PDE11A: variants seen among roughly 807,000 people sequenced by gnomAD.
PDE11A encodes the protein phosphodiesterase 11A.
In PDE11A, 100 loss-of-function variants were observed where a neutral mutation model predicts 100.5. That is an observed-to-expected ratio of 1.00 (90% CI 0.85 to 1.18). The LOEUF is 1.18. Ranked by LOEUF, PDE11A falls within the 50% of genes most tolerant of loss-of-function variation. PDE11A has a pLI of 0.00. For missense variants in PDE11A, 1,141 were observed against 1,152.6 expected, an observed-to-expected ratio of 0.99 and a Z score of 0.15; for synonymous variants, 381 against 420.8, an observed-to-expected ratio of 0.91 and a Z score of 1.16.
chr2:177,985,412 C>T (rs753223896), intron 2 of PDE11A, among the ~76,000 whole-genome samples: 2 of 152,056 alleles, frequency 1.3e-5, no homozygotes, highest in South Asian at 2.1e-4. Flanking sequence ...TTAATCTGTG[C>T]GTTGCTGTGA....
At position 177,788,763 on chromosome 2, in the gene PDE11A, C is replaced by T. The variant is rs1574143218; in HGVS notation, c.1738-19390G>A. 2.0e-5 allele frequency among the ~76,000 whole-genome samples: 3 copies of T among 152,298 alleles called. No homozygotes were observed. The South Asian group carries it at 6.2e-4, about 32-fold the overall frequency. On this transcript the variant is annotated intron_variant, in intron 9 of 19. Transcript: ENST00000286063. ...CCATCAGAGAATACTACAAACAACT[C>T]TACTCAAATAAACTAGAAAATCTAG... is the stretch of plus-strand genomic sequence containing the variant.
At chr2:178,009,970 C>A (rs892656205) in intron 2 of PDE11A, among the ~76,000 whole-genome samples, 9 of 152,136 alleles carry the variant, frequency 5.9e-5, no homozygotes, top group Admixed American at 5.9e-4. Context: ...GATGACATGG[C>A]AGTTATGTGT....
At chr2:178,083,344 C>A (rs943489096) in intron 2 of PDE11A, among the ~76,000 whole-genome samples, 7 of 152,156 alleles carry the variant, frequency 4.6e-5, no homozygotes, top group Admixed American at 2.0e-4. Flanking sequence ...AGTGATCCAC[C>A]CACCTCAGCC....
chr2:177,759,478 C>T (rs1558924396), intron 10 of PDE11A, among the ~76,000 whole-genome samples: 1 of 152,196 alleles, frequency 6.6e-6, no homozygotes, highest in Non-Finnish European at 1.5e-5. Context: ...CTGACAAGTG[C>T]TTTATCATGA....
intron 18 of PDE11A, among the ~76,000 whole-genome samples, chr2:177,665,105 A>G (rs1227146271): frequency 6.6e-6 from 1 of 152,182 alleles, no homozygotes; most frequent in Non-Finnish European, 1.5e-5. Flanking sequence ...AGAAGACTGG[A>G]ATTTGGAGAA....
chr2:177,811,554 A>G (rs1443778653), intron 9 of PDE11A, among the ~76,000 whole-genome samples: 1 of 71,716 alleles, frequency 1.4e-5, no homozygotes, highest in Non-Finnish European at 2.7e-5. Flanking sequence ...ACAGTAGAAA[A>G]TGTTTTGTAT....
intron 2 of PDE11A, chr2:177,998,085 G>A: frequency 1.5e-6 from 2 of 1,304,722 alleles, no homozygotes; most frequent in South Asian, 1.2e-5. Flanking sequence ...CAGGATCTGA[G>A]GGATTGAAGG....
intron 9 of PDE11A, among the ~76,000 whole-genome samples, chr2:177,792,958 A>C (rs1438043585): frequency 6.6e-6 from 1 of 152,198 alleles, no homozygotes; most frequent in Non-Finnish European, 1.5e-5. Flanking sequence ...GAAGAATGGC[A>C]GGGAGTGGCA....
intron 10 of PDE11A, among the ~76,000 whole-genome samples, chr2:177,733,750 A>G (rs1347147491): frequency 6.6e-6 from 1 of 152,240 alleles, no homozygotes; most frequent in Non-Finnish European, 1.5e-5. Flanking sequence ...TGGAAGGGAC[A>G]GCAAAGTTCT....
intron 3 of PDE11A, among the ~76,000 whole-genome samples, chr2:177,902,930 C>G (rs1437433359): frequency 6.6e-6 from 1 of 152,152 alleles, no homozygotes; most frequent in Non-Finnish European, 1.5e-5. Flanking sequence ...CCTTCTCCCT[C>G]CCTCCCCAGC....
chr2:177,701,368 C>A, intron 13 of PDE11A, 157 bp from the exon 14 acceptor site: 2 of 652,996 alleles, frequency 3.1e-6, no homozygotes, highest in South Asian at 1.7e-5. Context: ...TGAAATAAAT[C>A]GTTCAGGAAC....
intron 3 of PDE11A, among the ~76,000 whole-genome samples, chr2:177,901,722 C>T (rs528778511): frequency 2.0e-5 from 3 of 152,272 alleles, no homozygotes; most frequent in African/African-American, 7.2e-5. Flanking sequence ...ACAATTGTCT[C>T]AGTAATTACA....
At chr2:177,929,486 C>T (rs1422838772) in intron 2 of PDE11A, among the ~76,000 whole-genome samples, 6 of 152,146 alleles carry the variant, frequency 3.9e-5, no homozygotes. Flanking sequence ...TTAAGGGCTG[C>T]ATCAGTATTT....
upstream of PDE11A, among the ~76,000 whole-genome samples, chr2:178,075,593 C>T (rs2105875821): frequency 6.8e-6 from 1 of 147,550 alleles, no homozygotes; most frequent in Middle Eastern, 3.6e-3. Flanking sequence ...ACAGCTCAAG[C>T]TAACCTCAAA....
intron 8 of PDE11A, among the ~76,000 whole-genome samples, chr2:177,817,380 T>C (rs2083057214): frequency 6.6e-6 from 1 of 152,158 alleles, no homozygotes; most frequent in South Asian, 2.1e-4. Context: ...AGCTATGAGG[T>C]ATTCTTGATT....
chr2:177,881,345 A>G (rs758443075), intron 4 of PDE11A, among the ~76,000 whole-genome samples: 92 of 95,354 alleles, frequency 9.6e-4, no homozygotes, highest in Admixed American at 7.9e-3. Flanking sequence ...CTATCTGTCT[A>G]TCTATCTATC....
intron 13 of PDE11A, chr2:177,702,792 T>A (rs1437915898): frequency 2.6e-5 from 4 of 152,156 alleles, no homozygotes; most frequent in Non-Finnish European, 5.9e-5. Context: ...TAATGTAAAA[T>A]ATCGGAATTA....
At chr2:178,057,636 G>A (rs2086914361) in intron 1 of PDE11A, among the ~76,000 whole-genome samples, 1 of 152,118 alleles carries the variant, frequency 6.6e-6, no homozygotes, top group South Asian at 2.1e-4. Flanking sequence ...CACCACTGGA[G>A]TCACAGTCTT....
chr2:177,686,065 G>C (rs533558181), intron 15 of PDE11A, among the ~76,000 whole-genome samples: 14 of 152,256 alleles, frequency 9.2e-5, no homozygotes, highest in Non-Finnish European at 2.1e-4. Context: ...TATTCCTAGG[G>C]AACAGTGAGA....
Sources: allele counts gnomAD v4.1 joint callset (sites outside exome capture counted in the v4.1 genomes callset), GRCh38; gene constraint gnomAD v4.1.1; transcripts MANE v1.5; gene names NCBI Gene and HGNC (gene_info 2026-07-23, HGNC 2026-07-21).